LARGE1: variants seen among roughly 807,000 people sequenced by gnomAD.
LARGE1 encodes xylosyl- and glucuronyltransferase LARGE1.
LARGE1 carries 43 observed loss-of-function variants against 87.6 expected under a neutral mutation model. That is an observed-to-expected ratio of 0.49 (90% CI 0.38 to 0.63). The LOEUF is 0.63. Ranked by LOEUF, LARGE1 falls within the 30% of genes least tolerant of loss-of-function variation. LARGE1 has a pLI of 0.00. For missense variants in LARGE1, 802 were observed against 1,000.2 expected (o/e 0.80, Z 2.67); for synonymous variants, 434 against 394.6 (o/e 1.10, Z -1.18).
chr22:33,908,082 A>G (rs1601894167), intron 1 of LARGE1, among the ~76,000 whole-genome samples: 1 of 152,122 alleles, frequency 6.6e-6, no homozygotes, highest in Non-Finnish European at 1.5e-5. Context: ...ACATCAACCC[A>G]TCCACCACTG....
At chr22:33,660,535 A>C (rs1569350813) in intron 2 of LARGE1, among the ~76,000 whole-genome samples, 2 of 152,236 alleles carry the variant, frequency 1.3e-5, no homozygotes, top group Admixed American at 6.5e-5. Context: ...CCTAAACTTC[A>C]ATCACTTTTA....
At position 33,889,797 on chromosome 22, in the gene LARGE1, T is replaced by C. The variant is rs553195762; in HGVS notation, c.-83+30198A>G. Among the ~76,000 whole-genome samples the C allele has an allele frequency of 1.2e-4, 18 of 152,330 alleles. No homozygotes were observed. The East Asian group carries it at 2.3e-3, about 20-fold the overall frequency. On this transcript the variant is annotated intron_variant, in intron 1 of 14. Transcript: ENST00000397394. ...GAGGGGAGAACTAAATAAAAATGTA[T>C]TCATTCATTCATAACTTTCTGAGTG...
chr22:33,090,263 C>T, the LARGE1 span, among the ~76,000 whole-genome samples: 1 of 152,138 alleles, frequency 6.6e-6, no homozygotes, highest in Non-Finnish European at 1.5e-5. Context: ...CCTCATGGAG[C>T]TTCCATCTTA....
chr22:33,821,886 A>C (rs1337419128), intron 1 of LARGE1, among the ~76,000 whole-genome samples: 1 of 151,048 alleles, frequency 6.6e-6, no homozygotes, highest in African/African-American at 2.4e-5. Context: ...CTTCATGTGA[A>C]GGAAATGGAA....
chr22:33,835,842 C>T (rs1260863028), intron 1 of LARGE1, among the ~76,000 whole-genome samples: 3 of 152,190 alleles, frequency 2.0e-5, no homozygotes, highest in African/African-American at 7.2e-5. Context: ...CCAGAATGAG[C>T]AAAGTCACTG....
chr22:33,098,023 T>A, the LARGE1 span, among the ~76,000 whole-genome samples: 1 of 152,188 alleles, frequency 6.6e-6, no homozygotes, highest in Non-Finnish European at 1.5e-5. Context: ...GTAAAATATA[T>A]AAGCCAGGCA....
chr22:33,460,984 C>T (rs1021956223), intron 6 of LARGE1, among the ~76,000 whole-genome samples: 36 of 151,012 alleles, frequency 2.4e-4, no homozygotes, highest in African/African-American at 8.8e-4. Context: ...AAATACAAAT[C>T]CTATCTAGAG....
intron 1 of LARGE1, among the ~76,000 whole-genome samples, chr22:33,849,251 C>A (rs980895398): frequency 2.0e-5 from 3 of 152,210 alleles, no homozygotes; most frequent in Non-Finnish European, 2.9e-5. Flanking sequence ...GTCCAGCAGA[C>A]ACACAGGCCC....
intron 2 of LARGE1, among the ~76,000 whole-genome samples, chr22:33,665,256 A>G (rs1217734404): frequency 6.6e-6 from 1 of 152,196 alleles, no homozygotes; most frequent in Non-Finnish European, 1.5e-5. Flanking sequence ...ACTCTCCTCA[A>G]GTATAAACGT....
intron 1 of LARGE1, among the ~76,000 whole-genome samples, chr22:33,773,183 C>A (rs2085126672): frequency 1.3e-5 from 2 of 152,236 alleles, no homozygotes. Context: ...ACGCGAGCAT[C>A]TCTGTGGAAT....
At chr22:33,120,660 G>A in the LARGE1 span, among the ~76,000 whole-genome samples, 1 of 151,848 alleles carries the variant, frequency 6.6e-6, no homozygotes, top group African/African-American at 2.4e-5. Flanking sequence ...GAGATTACAG[G>A]CTCCTGCCAC....
chr22:33,573,437 C>G (rs1460000225), intron 5 of LARGE1, among the ~76,000 whole-genome samples: 1 of 152,132 alleles, frequency 6.6e-6, no homozygotes, highest in East Asian at 1.9e-4. Context: ...AGACTCTGCT[C>G]AAAACAAAAC....
intron 11 of LARGE1, among the ~76,000 whole-genome samples, chr22:33,200,944 GA>G (rs1924349181): frequency 6.6e-6 from 1 of 152,172 alleles, no homozygotes; most frequent in Admixed American, 6.5e-5. Context: ...ATACATCAAA[GA>G]GGTGATTTTT....
chr22:33,854,193 T>C (rs1354634104), intron 1 of LARGE1, among the ~76,000 whole-genome samples: 2 of 122,518 alleles, frequency 1.6e-5, no homozygotes, highest in African/African-American at 6.5e-5. Flanking sequence ...ATCAATGTAA[T>C]TATAAATGCA....
chr22:33,879,009 C>T (rs920402506), intron 1 of LARGE1, among the ~76,000 whole-genome samples: 15 of 150,720 alleles, frequency 1.0e-4, no homozygotes, highest in African/African-American at 2.9e-4. Flanking sequence ...GATGGAGTTC[C>T]GAGCCCAGGC....
intron 11 of LARGE1, among the ~76,000 whole-genome samples, chr22:33,246,618 C>A (rs962904388): frequency 1.6e-4 from 25 of 152,150 alleles, no homozygotes; most frequent in African/African-American, 4.6e-4. Context: ...TGCACTCCAG[C>A]TTGGGTGCCA....
intron 11 of LARGE1, among the ~76,000 whole-genome samples, chr22:33,234,090 A>G (rs1926138035): frequency 6.6e-6 from 1 of 152,234 alleles, no homozygotes; most frequent in African/African-American, 2.4e-5. Flanking sequence ...AATCTACAAA[A>G]GTCTTGCTCA....
At chr22:33,514,957 T>TA (rs1035925997) in intron 6 of LARGE1, among the ~76,000 whole-genome samples, 4 of 152,158 alleles carry the variant, frequency 2.6e-5, no homozygotes, top group African/African-American at 9.7e-5. Context: ...GGCACTGTGC[T>TA]AAGCGCTTTA....
chr22:33,507,582 T>C (rs1265316810), intron 6 of LARGE1, among the ~76,000 whole-genome samples: 1 of 152,156 alleles, frequency 6.6e-6, no homozygotes, highest in African/African-American at 2.4e-5. Flanking sequence ...TATATATTAA[T>C]AGGTATAAAG....
Sources: allele counts gnomAD v4.1 joint callset (sites outside exome capture counted in the v4.1 genomes callset), GRCh38; gene constraint gnomAD v4.1.1; transcripts MANE v1.5; gene names NCBI Gene and HGNC (gene_info 2026-07-23, HGNC 2026-07-21).